The following GABPB1 variants were observed in gnomAD, a reference collection of about 807,000 sequenced individuals.
The protein encoded by GABPB1 is GA-binding protein subunit beta-1.
A neutral mutation model predicts 45.9 loss-of-function variants in GABPB1; 15 were observed. The observed-to-expected ratio is 0.33, with a 90% confidence interval of 0.22 to 0.50. GABPB1 has a LOEUF of 0.50. Among genes scored for constraint, GABPB1 ranks in the 20% least tolerant of loss-of-function variants. GABPB1 has a pLI of 0.98. For missense variants in GABPB1, 252 were observed against 457.5 expected, an observed-to-expected ratio of 0.55 and a Z score of 4.10; for synonymous variants, 143 against 154.4, an observed-to-expected ratio of 0.93 and a Z score of 0.55.
At chr15:50,309,066 C>T (rs540072598) in intron 2 of GABPB1, among the ~76,000 whole-genome samples, 26 of 152,136 alleles carry the variant, frequency 1.7e-4, no homozygotes, top group African/African-American at 5.5e-4. Flanking sequence ...AAGGCAAAAA[C>T]GGCAAAATCA....
intron 6 of GABPB1, among the ~76,000 whole-genome samples, chr15:50,297,412 A>G (rs569889002): frequency 7.3e-5 from 11 of 150,876 alleles, no homozygotes; most frequent in African/African-American, 2.4e-4. Flanking sequence ...AGGGTTTCAG[A>G]AACATGTTGG....
chr15:50,316,585 T>G (rs912294036), intron 1 of GABPB1, among the ~76,000 whole-genome samples: 1 of 144,970 alleles, frequency 6.9e-6, no homozygotes, highest in Non-Finnish European at 1.5e-5. Flanking sequence ...CACTCCAATT[T>G]TGTATTACAC....
rs779009300 is a variant in GABPB1, at chr15:50,276,129, C to T, written c.*2503G>A. 4 of 152,216 alleles carry T rather than the reference C, an allele frequency of 2.6e-5. No homozygotes were observed. The highest frequency in any genetic ancestry group is 2.4e-5 in the African/African-American group (1 of 41,452). 9.4% of individuals were successfully genotyped at this position (152,216 alleles called of 1,614,324 possible). A position where few individuals can be genotyped will look rare whatever the true frequency, so the allele number is the denominator to read the frequency against. ...GTGTTTGTTCACACATATGTGGAAA[C>T]AATTAACCAGTGATGTGGCAACCAG... On this transcript the variant is annotated 3_prime_UTR_variant, in exon 9 of 9. Transcript: ENST00000380877.
At chr15:50,312,014 A>C (rs2047145642) in intron 1 of GABPB1, among the ~76,000 whole-genome samples, 2 of 152,148 alleles carry the variant, frequency 1.3e-5, no homozygotes, top group Non-Finnish European at 2.9e-5. Flanking sequence ...GGCAAGAAAG[A>C]ATTTCTTAGA....
rs575482287 is a variant in GABPB1, at chr15:50,315,865, A to G, written c.1-6067T>C. On this transcript the variant is annotated intron_variant, in intron 1 of 8. Coordinates refer to ENST00000380877, the MANE Select transcript of GABPB1 (RefSeq NM_016654.5). ...CGAGAAGGGAAGATCACTTGAGGCC[A>G]GGAGTTTGAGACCAGCCTAGCCAAC... Among the ~76,000 whole-genome samples, 3 of 152,344 alleles carry G rather than the reference A, an allele frequency of 2.0e-5. No homozygotes were observed. The South Asian group carries it at 6.2e-4, about 32-fold the overall frequency.
intron 1 of GABPB1, among the ~76,000 whole-genome samples, chr15:50,322,502 C>T (rs567937137): frequency 6.6e-6 from 1 of 151,788 alleles, no homozygotes; most frequent in Non-Finnish European, 1.5e-5. Flanking sequence ...CCCAAGATTG[C>T]GCCACTGCAC....
At chr15:50,303,176 T>C in intron 3 of GABPB1, 53 bp from the exon 4 acceptor site, 1 of 1,377,004 alleles carries the variant, frequency 7.3e-7, no homozygotes, top group Non-Finnish European at 1.0e-6. Context: ...ACATAAAAAA[T>C]TCCTGATATG....
chr15:50,295,122 T>C (rs116384242), intron 6 of GABPB1, among the ~76,000 whole-genome samples: 34 of 152,342 alleles, frequency 2.2e-4, no homozygotes, highest in African/African-American at 8.2e-4. Flanking sequence ...TCTAATTCTA[T>C]ATCCCAAATA....
intron 1 of GABPB1, among the ~76,000 whole-genome samples, chr15:50,320,469 A>T (rs2047524652): frequency 6.6e-6 from 1 of 152,112 alleles, no homozygotes; most frequent in Admixed American, 6.6e-5. Flanking sequence ...CTCAAAGGCA[A>T]TCCTCTTGTT....
intron 8 of GABPB1, among the ~76,000 whole-genome samples, chr15:50,285,307 A>G (rs2046116451): frequency 6.6e-6 from 1 of 152,166 alleles, no homozygotes; most frequent in African/African-American, 2.4e-5. Context: ...GAAAGATAAG[A>G]TTCCTTGCCT....
intron 1 of GABPB1, among the ~76,000 whole-genome samples, chr15:50,328,038 A>AGTGTCT (rs2047829076): frequency 6.6e-6 from 1 of 152,104 alleles, no homozygotes; most frequent in Non-Finnish European, 1.5e-5. Context: ...AAAAAAAAGA[A>AGTGTCT]ATTCCAAATA....
intron 2 of GABPB1, among the ~76,000 whole-genome samples, chr15:50,306,355 C>T (rs28716586): frequency 0.49 from 75,056 of 152,002 alleles, 19,615 homozygotes; most frequent in Middle Eastern, 0.64. Flanking sequence ...TCTGGCCAGG[C>T]GCAGTGGCTC....
chr15:50,306,384 C>A (rs754109077), intron 2 of GABPB1, among the ~76,000 whole-genome samples: 2 of 152,190 alleles, frequency 1.3e-5, no homozygotes, highest in African/African-American at 4.8e-5. Flanking sequence ...AATCCCAACA[C>A]TTTGGGTGGC....
At chr15:50,334,965 C>T (rs891283747) in intron 1 of GABPB1, among the ~76,000 whole-genome samples, 2 of 152,080 alleles carry the variant, frequency 1.3e-5, no homozygotes, top group South Asian at 4.1e-4. Context: ...TCTCCTCGTA[C>T]GTCTAGTTAT....
At chr15:50,307,185 A>T (rs1024626441) in intron 2 of GABPB1, among the ~76,000 whole-genome samples, 2 of 152,098 alleles carry the variant, frequency 1.3e-5, no homozygotes, top group African/African-American at 4.8e-5. Flanking sequence ...TTCCACCAAA[A>T]ATATTTGAGA....
At chr15:50,354,169 C>G (rs1005900167) in intron 1 of GABPB1, 2 of 321,170 alleles carry the variant, frequency 6.2e-6, no homozygotes, top group African/African-American at 4.7e-5. Context: ...ACACTAAACA[C>G]ACAGTGATGA....
chr15:50,320,670 G>A (rs1306808187), intron 1 of GABPB1, among the ~76,000 whole-genome samples: 2 of 152,192 alleles, frequency 1.3e-5, no homozygotes, highest in Non-Finnish European at 2.9e-5. Flanking sequence ...CCTGACTAGG[G>A]TGGTTATCCT....
chr15:50,314,082 AATT>A (rs1195874693), intron 1 of GABPB1, among the ~76,000 whole-genome samples: 3 of 152,232 alleles, frequency 2.0e-5, no homozygotes, highest in Admixed American at 2.0e-4. Context: ...CAATTGTCTT[AATT>A]ATTCAAAACA....
chr15:50,336,103 C>G (rs1188149749), intron 1 of GABPB1, among the ~76,000 whole-genome samples: 1 of 151,946 alleles, frequency 6.6e-6, no homozygotes, highest in African/African-American at 2.4e-5. Context: ...GTAATCCCAG[C>G]ACTTTGGGAG....
Sources: allele counts gnomAD v4.1 joint callset (sites outside exome capture counted in the v4.1 genomes callset), GRCh38; gene constraint gnomAD v4.1.1; transcripts MANE v1.5; gene names NCBI Gene and HGNC (gene_info 2026-07-23, HGNC 2026-07-21).